Variants in NRP2 observed in about 807,000 individuals in gnomAD.
NRP2 encodes the protein neuropilin-2.
A neutral mutation model predicts 110.4 loss-of-function variants in NRP2; 52 were observed. The ratio of observed to expected loss-of-function variants is 0.47; its 90% CI spans 0.38 to 0.59. NRP2 has a LOEUF of 0.59. NRP2 is among the 20% of genes least tolerant of loss of function. NRP2 has a pLI of 0.00. For missense variants in NRP2, 1,049 were observed against 1,203.0 expected (o/e 0.87, Z 1.89); for synonymous variants, 508 against 468.9 (o/e 1.08, Z -1.08).
chr2:205,788,090 C>T (rs1275743774), intron 15 of NRP2, among the ~76,000 whole-genome samples: 2 of 152,042 alleles, frequency 1.3e-5, no homozygotes, highest in African/African-American at 2.4e-5. Context: ...TAACTAGCCA[C>T]CCTGGTCTCT....
In NRP2 at chr2:205,794,785, T is replaced by C. The variant is rs752680437; in HGVS notation, c.2508T>C (p.Ser836=). 62 of 1,614,102 alleles carry C rather than the reference T, an allele frequency of 3.8e-5. No homozygotes were observed. Among genetic ancestry groups the C allele is most frequent in the Non-Finnish European group, 4.9e-5 (58 of 1,180,044 alleles). ...DEYEVDWSNS[S]SATSGSGAPS... ...ACGAGGTGGACTGGAGCAATTCTTC[T>C]TCTGCAACCTCAGGGTCTGGCGCCC... is the stretch of plus-strand genomic sequence containing the variant. The change falls in exon 17 of 17, where the codon TCT becomes TCC. Residue 836 remains serine, a synonymous_variant. Transcript: ENST00000357785.
chr2:205,707,001 C>T (rs2056692625), intron 2 of NRP2, among the ~76,000 whole-genome samples: 1 of 152,214 alleles, frequency 6.6e-6, no homozygotes, highest in South Asian at 2.1e-4. Context: ...AGCTCCCATC[C>T]TGCTTAGAGA....
intron 6 of NRP2, 36 bp downstream of exon 6, chr2:205,726,118 T>C (rs1185183385): frequency 6.2e-7 from 1 of 1,609,898 alleles, no homozygotes; most frequent in African/African-American, 1.3e-5. Context: ...TGAGAGTGTG[T>C]ATGTATTGCT....
Position 205,686,612 on chromosome 2 carries a change from G to A in NRP2, c.73+3249G>A, listed in dbSNP as rs2056171378. Among the ~76,000 whole-genome samples the A allele has an allele frequency of 6.6e-6, 1 of 152,208 alleles. No individual in the cohort carries two copies. The highest frequency in any genetic ancestry group is 2.4e-5 in the African/African-American group (1 of 41,446). On this transcript the variant is annotated intron_variant, in intron 1 of 16. Transcript: ENST00000357785. This position sits in a 1 kb window ranked among gnomAD's most constrained non-coding sequence, Gnocchi z 4.7. ...GCGCCGGTAGCCCTAGTGTTTGGAG[G>A]TGGGGGAGGGATTTGGAATAGACTT...
intron 15 of NRP2, chr2:205,776,859 C>T: frequency 1.6e-6 from 2 of 1,249,270 alleles, no homozygotes; most frequent in Non-Finnish European, 2.0e-6. Context: ...TGTTTTTTCC[C>T]CTTGCCTTAT....
Position 205,740,347 on chromosome 2 carries a change from AT to A in NRP2, c.1147-164del, listed in dbSNP as rs548923275. Among the ~76,000 whole-genome samples, 112 of 152,182 alleles carry A rather than the reference AT, an allele frequency of 7.4e-4. No individual in the cohort carries two copies. In the Middle Eastern group the frequency reaches 0.014, roughly 18 times the overall value. On this transcript the variant is annotated intron_variant, in intron 7 of 16. Transcript: ENST00000357785. ...TCAAGTAGAACAGTGTGAGAAATTA[AT>A]TTTTTTTACAGTGTTTCTTTAAAAA...
chr2:205,745,263 C>T (rs932035217), intron 9 of NRP2, among the ~76,000 whole-genome samples: 14 of 152,262 alleles, frequency 9.2e-5, no homozygotes, highest in African/African-American at 2.4e-4. Context: ...GTCATTTTCC[C>T]GTAAGGTTCT....
chr2:205,764,655 G>A (rs1389783971), intron 13 of NRP2, among the ~76,000 whole-genome samples: 1 of 152,198 alleles, frequency 6.6e-6, no homozygotes, highest in Non-Finnish European at 1.5e-5. Context: ...GAGGACATGT[G>A]CTAGTTTGCA....
intron 12 of NRP2, chr2:205,761,803 T>A (rs1422379519): frequency 1.3e-5 from 2 of 152,318 alleles, no homozygotes. Flanking sequence ...CTCTCTACCT[T>A]GGACAAATCA....
At chr2:205,778,611 TG>T (rs1461057697) in intron 15 of NRP2, 1 of 152,182 alleles carries the variant, frequency 6.6e-6, no homozygotes, top group Non-Finnish European at 1.5e-5. Context: ...GCCTGCGAAA[TG>T]ATTGACATTC....
Position 205,743,699 on chromosome 2 carries a change from CT to C in NRP2, c.1641+150del, listed in dbSNP as rs1462487163. On this transcript the variant is annotated intron_variant, in intron 9 of 16. Transcript: ENST00000357785. ...AAAACAAATATCGTTTGAGAGATTA[CT>C]TTGTGCCAGGCACTGTGCTAAATAC... 6 of 1,439,086 alleles carry C rather than the reference CT, an allele frequency of 4.2e-6. No homozygotes were observed. The African/African-American group carries it at 8.6e-5, about 21-fold the overall frequency. The allele number at this position is 1,439,086 out of a possible 1,614,324, so 89.1% of individuals were successfully genotyped here.
At chr2:205,712,544 C>T (rs1267348521) in intron 2 of NRP2, among the ~76,000 whole-genome samples, 1 of 152,144 alleles carries the variant, frequency 6.6e-6, no homozygotes, top group African/African-American at 2.4e-5. Context: ...TAAGCCTCTG[C>T]CTAACTCTTC....
chr2:205,794,264 C>T (rs1477276026), intron 16 of NRP2, among the ~76,000 whole-genome samples: 1 of 152,136 alleles, frequency 6.6e-6, no homozygotes. Context: ...GCGCCCGCCA[C>T]CACGCCCGGC....
At chr2:205,708,048 C>T (rs2056719091) in intron 2 of NRP2, among the ~76,000 whole-genome samples, 1 of 152,200 alleles carries the variant, frequency 6.6e-6, no homozygotes, top group African/African-American at 2.4e-5. Context: ...CACCTTTACA[C>T]CTGCTAGTGC....
chr2:205,724,791 C>T (rs1161027400), intron 5 of NRP2, among the ~76,000 whole-genome samples: 2 of 151,712 alleles, frequency 1.3e-5, no homozygotes, highest in African/African-American at 4.8e-5. Flanking sequence ...CTCAGCCTCC[C>T]GAGTAGCTGG....
chr2:205,762,740 A>G (rs1279108151), intron 12 of NRP2, among the ~76,000 whole-genome samples: 1 of 152,182 alleles, frequency 6.6e-6, no homozygotes, highest in East Asian at 1.9e-4. Flanking sequence ...AGTGGCCAGA[A>G]TGGTCCTGTA....
intron 15 of NRP2, chr2:205,767,136 A>T: frequency 2.4e-6 from 1 of 417,032 alleles, no homozygotes; most frequent in Non-Finnish European, 4.4e-6. Flanking sequence ...GACTGTGGGA[A>T]GACTGAACCA....
At chr2:205,749,212 C>T (rs1337007477) in intron 10 of NRP2, among the ~76,000 whole-genome samples, 1 of 152,170 alleles carries the variant, frequency 6.6e-6, no homozygotes, top group Non-Finnish European at 1.5e-5. Flanking sequence ...CCTTCCCCTG[C>T]CCTCACAACC....
At chr2:205,743,099 G>A in intron 8 of NRP2, 104 bp from the exon 9 acceptor site, 1 of 1,595,658 alleles carries the variant, frequency 6.3e-7, no homozygotes. Context: ...TGCTGACTTA[G>A]TATTTGACAG....
Sources: allele counts gnomAD v4.1 joint callset (sites outside exome capture counted in the v4.1 genomes callset), GRCh38; gene constraint gnomAD v4.1.1; non-coding constraint Gnocchi (gnomAD v3.1); transcripts MANE v1.5; gene names NCBI Gene and HGNC (gene_info 2026-07-23, HGNC 2026-07-21).